The following CHST11 variants were observed in gnomAD, a reference collection of about 807,000 sequenced individuals.
The protein encoded by CHST11 is carbohydrate sulfotransferase 11.
CHST11 carries 9 observed loss-of-function variants against 30.4 expected under a neutral mutation model. The ratio of observed to expected loss-of-function variants is 0.30; its 90% confidence interval spans 0.18 to 0.52. The LOEUF is 0.52. Ranked by LOEUF, CHST11 falls within the 20% of genes least tolerant of loss-of-function variation. The pLI is 0.97. For missense variants in CHST11, 348 were observed against 460.6 expected (o/e 0.76, Z 2.24); for synonymous variants, 152 against 187.8 (o/e 0.81, Z 1.56).
At chr12:104,657,242 G>A (rs897552373) in intron 2 of CHST11, among the ~76,000 whole-genome samples, 18 of 152,166 alleles carry the variant, frequency 1.2e-4, no homozygotes, top group African/African-American at 4.1e-4. Context: ...ATCTCTGGGA[G>A]CGAAACAAAA....
intron 1 of CHST11, among the ~76,000 whole-genome samples, chr12:104,557,630 G>A (rs970719067): frequency 6.6e-6 from 1 of 152,064 alleles, no homozygotes; most frequent in Non-Finnish European, 1.5e-5. Context: ...CAAAGGGAGA[G>A]GGCGGGAGAG....
chr12:104,460,440 C>CACTGGGTGA (rs2037396963), intron 1 of CHST11, among the ~76,000 whole-genome samples: 1 of 152,050 alleles, frequency 6.6e-6, no homozygotes, highest in African/African-American at 2.4e-5. Context: ...GAGGCGGGTG[C>CACTGGGTGA]ATCACTTGAG....
intron 2 of CHST11, among the ~76,000 whole-genome samples, chr12:104,739,310 G>A (rs2040328257): frequency 6.6e-6 from 1 of 152,220 alleles, no homozygotes; most frequent in African/African-American, 2.4e-5. Flanking sequence ...AGTTGGGAAA[G>A]GTGTCCTCAT....
chr12:104,587,831 GT>G, intron 1 of CHST11, among the ~76,000 whole-genome samples: 1 of 14,938 alleles, frequency 6.7e-5, no homozygotes, highest in Non-Finnish European at 1.0e-4. Context: ...GATTAAGTTT[GT>G]TTTTTGTTTT....
In CHST11 at chr12:104,488,643, GTA is replaced by G. The variant is rs755233973; in HGVS notation, c.118+31116_118+31117del. 1.6e-4 allele frequency among the ~76,000 whole-genome samples: 22 copies of G among 133,746 alleles called. No individual in the cohort carries two copies. The Middle Eastern group carries it at 0.012, about 74-fold the overall frequency. The allele number at this position is 133,746 out of a possible 152,430, so 87.7% of individuals were successfully genotyped here. ...TGTGCATGTATGTGTGTGTGCGTGT[GTA>G]TGTGTGTGTGTATGTGTGCGTGTAT... On this transcript the variant is annotated intron_variant, in intron 1 of 2. Coordinates refer to ENST00000303694, the MANE Select transcript of CHST11 (RefSeq NM_018413.6).
At chr12:104,747,641 T>G (rs2040398645) in intron 2 of CHST11, among the ~76,000 whole-genome samples, 1 of 152,172 alleles carries the variant, frequency 6.6e-6, no homozygotes, top group Admixed American at 6.5e-5. Context: ...GCAGCACAAC[T>G]GACATGCTGA....
chr12:104,747,938 A>G (rs1419395149), intron 2 of CHST11, among the ~76,000 whole-genome samples: 1 of 152,262 alleles, frequency 6.6e-6, no homozygotes, highest in Non-Finnish European at 1.5e-5. Flanking sequence ...GATGAAACGT[A>G]GTAAAATTTT....
At chr12:104,700,355 A>G (rs2039981673) in intron 2 of CHST11, among the ~76,000 whole-genome samples, 1 of 152,234 alleles carries the variant, frequency 6.6e-6, no homozygotes, top group Non-Finnish European at 1.5e-5. Context: ...AAGTCCTGGA[A>G]TACAGAAGTG....
chr12:104,753,091 A>G (rs543521848), intron 2 of CHST11, among the ~76,000 whole-genome samples: 2 of 152,304 alleles, frequency 1.3e-5, no homozygotes, highest in East Asian at 3.9e-4. Context: ...GGCTCAAGTC[A>G]CAGTTCTGCT....
intron 1 of CHST11, among the ~76,000 whole-genome samples, chr12:104,512,785 C>T (rs1000121119): frequency 1.3e-5 from 2 of 151,996 alleles, no homozygotes; most frequent in South Asian, 4.2e-4. Context: ...TAGAGTAAAC[C>T]AAATACTACC....
intron 1 of CHST11, among the ~76,000 whole-genome samples, chr12:104,483,453 G>A (rs528368928): frequency 6.6e-5 from 10 of 152,182 alleles, no homozygotes; most frequent in African/African-American, 2.4e-4. Flanking sequence ...TGATCGGCCT[G>A]CCTCGGCCTC....
chr12:104,600,007 G>A lies in CHST11; in HGVS notation c.119-1899G>A, dbSNP rs1566002611. 6.6e-6 allele frequency among the ~76,000 whole-genome samples: 1 copy of A among 152,210 alleles called. No individual in the cohort carries two copies. Among genetic ancestry groups the A allele is most frequent in the Non-Finnish European group, 1.5e-5 (1 of 68,028 alleles). ...GGATTTCACACCACAGTGGCCCTGC[G>A]GAAGAGTTATGACAGAGACTGCAGG... On this transcript the variant is annotated intron_variant, in intron 1 of 2. Coordinates refer to ENST00000303694, the MANE Select transcript of CHST11 (RefSeq NM_018413.6). The surrounding 1 kb of genome is among the most constrained non-coding windows in gnomAD (Gnocchi z 4.1).
chr12:104,530,735 G>C (rs2038175102), intron 1 of CHST11, among the ~76,000 whole-genome samples: 1 of 152,218 alleles, frequency 6.6e-6, no homozygotes, highest in Non-Finnish European at 1.5e-5. Context: ...CAAAGCTTCA[G>C]CCTGGATATC....
intron 2 of CHST11, among the ~76,000 whole-genome samples, chr12:104,744,181 A>T (rs2040370649): frequency 6.6e-6 from 1 of 152,224 alleles, no homozygotes; most frequent in South Asian, 2.1e-4. Context: ...GAATTGACAC[A>T]CTGTCTTCCA....
chr12:104,518,362 A>G (rs2038045043), intron 1 of CHST11, among the ~76,000 whole-genome samples: 1 of 152,176 alleles, frequency 6.6e-6, no homozygotes, highest in Admixed American at 6.5e-5. Context: ...GGAAGGAGGG[A>G]AGATTCGGAT....
At chr12:104,755,262 G>A (rs74608563) in intron 2 of CHST11, among the ~76,000 whole-genome samples, 2,445 of 152,318 alleles carry the variant, frequency 0.016, 26 homozygotes, top group East Asian at 0.049. Flanking sequence ...GGATTTCACG[G>A]ATACAGCTGC....
intron 2 of CHST11, among the ~76,000 whole-genome samples, chr12:104,637,155 A>T (rs548678314): frequency 2.3e-4 from 35 of 151,856 alleles, no homozygotes; most frequent in African/African-American, 8.5e-4. Flanking sequence ...ATACAAAAAA[A>T]TGAGCTGGGT....
chr12:104,538,972 A>G (rs879795520), intron 1 of CHST11, among the ~76,000 whole-genome samples: 5 of 152,238 alleles, frequency 3.3e-5, no homozygotes, highest in Non-Finnish European at 5.9e-5. Flanking sequence ...TAAAGCAGTC[A>G]CACTTATTAT....
At chr12:104,669,145 C>T (rs905463062) in intron 2 of CHST11, among the ~76,000 whole-genome samples, 2 of 152,226 alleles carry the variant, frequency 1.3e-5, no homozygotes, top group African/African-American at 4.8e-5. Flanking sequence ...CCCGCTGTGT[C>T]TCCTGCCAGC....
Sources: gnomAD v4.1 joint callset for allele counts (sites outside exome capture counted in the v4.1 genomes callset) on GRCh38, gnomAD v4.1.1 for gene constraint, Gnocchi (gnomAD v3.1) non-coding constraint, MANE v1.5 for transcripts, NCBI Gene and HGNC (gene_info 2026-07-23, HGNC 2026-07-21) for gene names.